The following BAIAP2L1 variants were observed in gnomAD, a reference collection of about 807,000 sequenced individuals.
BAIAP2L1 encodes the protein BAR/IMD domain containing adaptor protein 2 like 1.
BAIAP2L1 carries 35 observed loss-of-function variants against 66.3 expected under a neutral mutation model. The observed-to-expected ratio is 0.53, with a 90% confidence interval of 0.40 to 0.70. The LOEUF is 0.70. Ranked by LOEUF, BAIAP2L1 falls within the 30% of genes least tolerant of loss-of-function variation. BAIAP2L1 has a pLI of 0.00. For synonymous variants in BAIAP2L1, 269 were observed against 248.7 expected, an observed-to-expected ratio of 1.08 and a Z score of -0.77; for missense variants, 622 against 656.9, an observed-to-expected ratio of 0.95 and a Z score of 0.58.
chr7:98,336,134 G>A (rs1801611242), intron 3 of BAIAP2L1, among the ~76,000 whole-genome samples: 1 of 151,494 alleles, frequency 6.6e-6, no homozygotes, highest in Admixed American at 6.6e-5. Flanking sequence ...ACAGACACTG[G>A]GGACTATGAG....
intron 1 of BAIAP2L1, among the ~76,000 whole-genome samples, chr7:98,369,671 T>C (rs1251468766): frequency 7.5e-6 from 1 of 132,778 alleles, no homozygotes; most frequent in Admixed American, 7.4e-5. Flanking sequence ...TAATTTTTTT[T>C]TTTTTTTTTT....
chr7:98,309,522 G>C (rs148900650), intron 9 of BAIAP2L1: 1 of 152,328 alleles, frequency 6.6e-6, no homozygotes, highest in African/African-American at 2.4e-5. Flanking sequence ...GGGATGCACA[G>C]AGTATTACAT....
chr7:98,332,606 G>A (rs752427066), intron 3 of BAIAP2L1, among the ~76,000 whole-genome samples: 68 of 151,056 alleles, frequency 4.5e-4, no homozygotes, highest in Admixed American at 1.8e-3. Context: ...TCAGGAGTTC[G>A]AGACCAGGCT....
chr7:98,353,640 T>C (rs1159717150), intron 3 of BAIAP2L1, among the ~76,000 whole-genome samples: 1 of 139,978 alleles, frequency 7.1e-6, no homozygotes, highest in Non-Finnish European at 1.5e-5. Flanking sequence ...TTTATATATG[T>C]ATATTATATA....
chr7:98,353,435 TATAA>T (rs981520947), intron 3 of BAIAP2L1, among the ~76,000 whole-genome samples: 4 of 136,592 alleles, frequency 2.9e-5, no homozygotes, highest in African/African-American at 1.1e-4. Context: ...TTATATTATA[TATAA>T]ATATATATAC....
chr7:98,360,929 A>G (rs963549534), intron 2 of BAIAP2L1, among the ~76,000 whole-genome samples: 9 of 152,282 alleles, frequency 5.9e-5, no homozygotes, highest in African/African-American at 2.2e-4. Flanking sequence ...GCGACTACAC[A>G]CAATGGTGCT....
At chr7:98,389,146 G>T (rs1407355233) in intron 1 of BAIAP2L1, among the ~76,000 whole-genome samples, 1 of 151,878 alleles carries the variant, frequency 6.6e-6, no homozygotes, top group Non-Finnish European at 1.5e-5. Flanking sequence ...GGCATGTGAA[G>T]GTGACAGGGG....
chr7:98,391,553 CA>C (rs993416514), intron 1 of BAIAP2L1, among the ~76,000 whole-genome samples: 2 of 150,018 alleles, frequency 1.3e-5, no homozygotes, highest in African/African-American at 2.4e-5. Flanking sequence ...ACTAAAAATA[CA>C]AAAAAAAATT....
chr7:98,364,972 G>A (rs186419664), intron 1 of BAIAP2L1, among the ~76,000 whole-genome samples: 81 of 95,868 alleles, frequency 8.4e-4, no homozygotes, highest in Non-Finnish European at 4.0e-4. Flanking sequence ...GGGTGACAGA[G>A]TGAGGATATG....
chr7:98,340,674 CT>C (rs1801721514), intron 3 of BAIAP2L1, among the ~76,000 whole-genome samples: 1 of 152,114 alleles, frequency 6.6e-6, no homozygotes, highest in African/African-American at 2.4e-5. Flanking sequence ...CTTGTAACAA[CT>C]TTTGTAAACA....
At chr7:98,322,153 G>T (rs796160273) in intron 3 of BAIAP2L1, among the ~76,000 whole-genome samples, 2 of 152,070 alleles carry the variant, frequency 1.3e-5, no homozygotes, top group African/African-American at 2.4e-5. Flanking sequence ...GGGAGGAATC[G>T]GAATGAGGAC....
chr7:98,400,464 CA>C, intron 1 of BAIAP2L1: 1 of 287,638 alleles, frequency 3.5e-6, no homozygotes. Context: ...TGTCGAGGGG[CA>C]GGGGAGGAGG....
intron 1 of BAIAP2L1, among the ~76,000 whole-genome samples, chr7:98,381,154 C>T (rs988731255): frequency 1.3e-5 from 2 of 152,080 alleles, no homozygotes; most frequent in Non-Finnish European, 1.5e-5. Context: ...GGCAGATCTC[C>T]GGCTGGCGTA....
At chr7:98,391,149 A>G (rs1803032741) in intron 1 of BAIAP2L1, among the ~76,000 whole-genome samples, 1 of 151,456 alleles carries the variant, frequency 6.6e-6, no homozygotes, top group African/African-American at 2.4e-5. Context: ...GCCCATAAAC[A>G]CAGTTTAAGC....
chr7:98,329,968 A>C (rs1801456395), intron 3 of BAIAP2L1, among the ~76,000 whole-genome samples: 1 of 152,208 alleles, frequency 6.6e-6, no homozygotes, highest in African/African-American at 2.4e-5. Flanking sequence ...AGCGAGAAAA[A>C]ACAAGGACAT....
chr7:98,380,587 G>A (rs1007741377), intron 1 of BAIAP2L1, among the ~76,000 whole-genome samples: 2 of 151,604 alleles, frequency 1.3e-5, no homozygotes, highest in Non-Finnish European at 2.9e-5. Context: ...GAAATCATAG[G>A]AATACAATTC....
chr7:98,306,321 G>T, intron 11 of BAIAP2L1, 118 bp downstream of exon 11: 1 of 1,220,386 alleles, frequency 8.2e-7, no homozygotes. Context: ...TCTCTGACTA[G>T]TCCACGAGAG....
intron 1 of BAIAP2L1, 146 bp downstream of exon 1, chr7:98,400,656 G>C: frequency 2.2e-6 from 2 of 903,438 alleles, no homozygotes; most frequent in Non-Finnish European, 3.5e-6. Flanking sequence ...TGGAGGGCCA[G>C]GGGAGGAGTG....
intron 3 of BAIAP2L1, among the ~76,000 whole-genome samples, chr7:98,342,812 C>G (rs1340855726): frequency 1.3e-5 from 2 of 152,074 alleles, no homozygotes; most frequent in African/African-American, 4.8e-5. Flanking sequence ...TCTGTTTTCC[C>G]TTTCACCTTT....
Sources: allele counts gnomAD v4.1 joint callset (sites outside exome capture counted in the v4.1 genomes callset), GRCh38; gene constraint gnomAD v4.1.1; transcripts MANE v1.5; gene names NCBI Gene and HGNC (gene_info 2026-07-23, HGNC 2026-07-21).